CNTN4: variants seen among roughly 807,000 people sequenced by gnomAD.
The protein encoded by CNTN4 is contactin 4.
Under a neutral mutation model 122.5 loss-of-function variants are expected in CNTN4, and 77 were observed. That is an observed-to-expected ratio of 0.63 (90% CI 0.52 to 0.76). The LOEUF is 0.76. Among genes scored for constraint, CNTN4 ranks in the 30% least tolerant of loss-of-function variants. The probability of loss-of-function intolerance (pLI) is 0.00; values close to 1 mark genes in which losing one functional copy is unlikely to be tolerated. For missense variants in CNTN4, 1,256 were observed against 1,259.1 expected, an observed-to-expected ratio of 1.00 and a Z score of 0.04; for synonymous variants, 512 against 447.0, an observed-to-expected ratio of 1.15 and a Z score of -1.83.
At chr3:2,115,316 T>G in intron 2 of CNTN4, among the ~76,000 whole-genome samples, 1 of 152,078 alleles carries the variant, frequency 6.6e-6, no homozygotes, top group East Asian at 1.9e-4. Flanking sequence ...CTACTGGGGG[T>G]TTTGGAGCTG....
chr3:2,124,479 TAAGC>T (rs1021555456), intron 2 of CNTN4, among the ~76,000 whole-genome samples: 3 of 110,672 alleles, frequency 2.7e-5, no homozygotes, highest in Middle Eastern at 5.6e-3. Context: ...CACACCCCCT[TAAGC>T]AAGGTATGCT....
At chr3:2,199,055 C>T (rs1575065213) in intron 2 of CNTN4, among the ~76,000 whole-genome samples, 2 of 152,144 alleles carry the variant, frequency 1.3e-5, no homozygotes, top group East Asian at 3.8e-4. Flanking sequence ...GTCAGAATAC[C>T]TACAGCAAAC....
intron 8 of CNTN4, among the ~76,000 whole-genome samples, chr3:2,870,977 G>A (rs1031517044): frequency 1.3e-5 from 2 of 152,110 alleles, no homozygotes; most frequent in Non-Finnish European, 2.9e-5. Context: ...ACTCACCCGA[G>A]TCCTGCAAAA....
intron 2 of CNTN4, among the ~76,000 whole-genome samples, chr3:2,125,511 A>T (rs530645493): frequency 1.9e-4 from 28 of 151,312 alleles, no homozygotes; most frequent in African/African-American, 6.8e-4. Context: ...CTTGACTTCA[A>T]TTCCTTTGGG....
intron 4 of CNTN4, among the ~76,000 whole-genome samples, chr3:2,684,014 ACAGG>A (rs1265034245): frequency 6.6e-6 from 1 of 152,190 alleles, no homozygotes; most frequent in African/African-American, 2.4e-5. Context: ...AATCAACCTT[ACAGG>A]CAGGGTTTAA....
At chr3:2,818,827 A>AACTAC (rs1457965774) in intron 6 of CNTN4, among the ~76,000 whole-genome samples, 1 of 152,186 alleles carries the variant, frequency 6.6e-6, no homozygotes, top group African/African-American at 2.4e-5. Flanking sequence ...AAATATTTCA[A>AACTAC]ACTACACCAC....
chr3:2,120,320 ATTAT>A (rs1048485375), intron 2 of CNTN4, among the ~76,000 whole-genome samples: 1 of 133,874 alleles, frequency 7.5e-6, no homozygotes, highest in Non-Finnish European at 1.6e-5. Flanking sequence ...TAACTTCCAT[ATTAT>A]TTAAACTATA....
intron 4 of CNTN4, among the ~76,000 whole-genome samples, chr3:2,677,727 T>C (rs1484436946): frequency 6.6e-6 from 1 of 151,916 alleles, no homozygotes; most frequent in African/African-American, 2.4e-5. Flanking sequence ...CTCTAGTCAA[T>C]GAGAAGTCAA....
chr3:2,300,933 T>C (rs1408645339), intron 2 of CNTN4, among the ~76,000 whole-genome samples: 1 of 152,136 alleles, frequency 6.6e-6, no homozygotes, highest in Non-Finnish European at 1.5e-5. Context: ...TGAAGGCGTG[T>C]CCATTTGGTG....
At chr3:2,686,665 G>A (rs2728019) in intron 4 of CNTN4, among the ~76,000 whole-genome samples, 122,785 of 152,116 alleles carry the variant, frequency 0.81, 49,678 homozygotes, top group Admixed American at 0.84. Context: ...CTGTGTGTCT[G>A]TGTGTGTTAC....
intron 3 of CNTN4, among the ~76,000 whole-genome samples, chr3:2,389,822 GA>G (rs2046380021): frequency 1.3e-5 from 2 of 151,820 alleles, no homozygotes; most frequent in South Asian, 2.1e-4. Flanking sequence ...GTTGCACTAA[GA>G]AAAAAAATTT....
At chr3:2,604,513 A>G (rs2081179270) in intron 4 of CNTN4, among the ~76,000 whole-genome samples, 1 of 152,166 alleles carries the variant, frequency 6.6e-6, no homozygotes, top group Non-Finnish European at 1.5e-5. Flanking sequence ...TTCAGTTGGT[A>G]AAAAGTGCTA....
intron 8 of CNTN4, among the ~76,000 whole-genome samples, chr3:2,879,707 A>G (rs1041126402): frequency 3.9e-5 from 6 of 152,156 alleles, no homozygotes; most frequent in African/African-American, 1.4e-4. Context: ...ATGGGGATTC[A>G]TTGTGAATGG....
chr3:2,910,393 C>T (rs2094287175), intron 12 of CNTN4, among the ~76,000 whole-genome samples: 1 of 152,158 alleles, frequency 6.6e-6, no homozygotes, highest in Non-Finnish European at 1.5e-5. Flanking sequence ...AGAGATGATC[C>T]ATCTTGAAGT....
chr3:2,737,673 T>A (rs2089217049), intron 5 of CNTN4, among the ~76,000 whole-genome samples: 1 of 152,204 alleles, frequency 6.6e-6, no homozygotes, highest in Non-Finnish European at 1.5e-5. Flanking sequence ...GTTTTCATGT[T>A]AATAAACTAC....
intron 2 of CNTN4, among the ~76,000 whole-genome samples, chr3:2,302,427 C>CA (rs2042558546): frequency 6.6e-6 from 1 of 152,126 alleles, no homozygotes; most frequent in Admixed American, 6.5e-5. Flanking sequence ...GACTCCATCT[C>CA]AAAAAACAAA....
intron 2 of CNTN4, among the ~76,000 whole-genome samples, chr3:2,109,568 A>G (rs927609356): frequency 2.0e-5 from 3 of 152,180 alleles, no homozygotes; most frequent in Non-Finnish European, 4.4e-5. Flanking sequence ...CAGTGAGGAC[A>G]GGTGTTGCAT....
At chr3:2,918,802 A>T (rs1418516869) in intron 12 of CNTN4, among the ~76,000 whole-genome samples, 1 of 152,140 alleles carries the variant, frequency 6.6e-6, no homozygotes, top group Non-Finnish European at 1.5e-5. Flanking sequence ...TCCAAAGAGG[A>T]TGTCATGTCC....
intron 6 of CNTN4, among the ~76,000 whole-genome samples, chr3:2,807,205 C>T (rs2092488801): frequency 6.6e-6 from 1 of 152,272 alleles, no homozygotes; most frequent in African/African-American, 2.4e-5. Context: ...GGGGCATGAG[C>T]AATGGCATTT....
Sources: gnomAD v4.1 joint callset for allele counts (sites outside exome capture counted in the v4.1 genomes callset) on GRCh38, gnomAD v4.1.1 for gene constraint, MANE v1.5 for transcripts, NCBI Gene and HGNC (gene_info 2026-07-23, HGNC 2026-07-21) for gene names.